ZNF599: variants seen among roughly 807,000 people sequenced by gnomAD.
The protein encoded by ZNF599 is zinc finger protein 599.
A neutral mutation model predicts 11.7 loss-of-function variants in ZNF599; 10 were observed. The ratio of observed to expected loss-of-function variants is 0.86; its 90% CI spans 0.53 to 1.45. The LOEUF (loss-of-function observed/expected upper bound fraction) is 1.45. Ranked by LOEUF, ZNF599 falls within the 40% of genes most tolerant of loss-of-function variation. The pLI is 0.00. For synonymous variants in ZNF599, 232 were observed against 253.2 expected, an observed-to-expected ratio of 0.92 and a Z score of 0.79; for missense variants, 688 against 713.6, an observed-to-expected ratio of 0.96 and a Z score of 0.41.
At chr19:34,793,148 C>T in the ZNF599 span, among the ~76,000 whole-genome samples, 11 of 152,260 alleles carry the variant, frequency 7.2e-5, no homozygotes, top group African/African-American at 2.6e-4. Context: ...TTGAAATGAA[C>T]ACTTAGGACT....
intron 2 of ZNF599, among the ~76,000 whole-genome samples, chr19:34,768,538 G>A (rs2069159950): frequency 6.6e-6 from 1 of 152,186 alleles, no homozygotes. Context: ...AGGTGGGAGA[G>A]CATTTGGTAT....
At chr19:34,777,566 T>A (rs1327156590), upstream of ZNF599, among the ~76,000 whole-genome samples, 1 of 127,202 alleles carries the variant, frequency 7.9e-6, no homozygotes, top group Non-Finnish European at 1.6e-5. Flanking sequence ...ATATTATGTA[T>A]AAATATATAT....
At chr19:34,804,213 T>C in the ZNF599 span, among the ~76,000 whole-genome samples, 1 of 152,208 alleles carries the variant, frequency 6.6e-6, no homozygotes, top group Non-Finnish European at 1.5e-5. Context: ...TAATCCACTA[T>C]CCTGGCGAGT....
chr19:34,765,545 C>A (rs752538080), intron 3 of ZNF599: 1 of 702,544 alleles, frequency 1.4e-6, no homozygotes, highest in South Asian at 1.5e-5. Flanking sequence ...TAGTAGATGG[C>A]TAATACACCT....
the ZNF599 span, among the ~76,000 whole-genome samples, chr19:34,796,471 T>C: frequency 0.95 from 144,032 of 152,010 alleles, 68,638 homozygotes; most frequent in Middle Eastern, 0.99. Flanking sequence ...CCACCATGCC[T>C]GGCTAATTTT....
intron 1 of ZNF599, 96 bp from the exon 2 acceptor site, chr19:34,769,651 A>C: frequency 2.7e-6 from 4 of 1,456,912 alleles, no homozygotes; most frequent in Non-Finnish European, 3.7e-6. Flanking sequence ...AGAGACCCTG[A>C]ACCACTGAGC....
the ZNF599 span, among the ~76,000 whole-genome samples, chr19:34,787,262 AT>A: frequency 6.8e-6 from 1 of 146,672 alleles, no homozygotes; most frequent in Non-Finnish European, 1.5e-5. Context: ...CATCATCATC[AT>A]CATCACAAGA....
upstream of ZNF599, among the ~76,000 whole-genome samples, chr19:34,777,394 AATATATATT>A (rs1293038037): frequency 1.8e-3 from 156 of 88,734 alleles, no homozygotes; most frequent in African/African-American, 7.5e-3. Flanking sequence ...ATTAATATAT[AATATATATT>A]ATATATAATA....
chr19:34,801,328 C>T, the ZNF599 span, among the ~76,000 whole-genome samples: 1 of 152,218 alleles, frequency 6.6e-6, no homozygotes. Flanking sequence ...ATTAATAAGA[C>T]CTTTCTCCAG....
chr19:34,759,982 G>C lies in ZNF599; in HGVS notation c.819C>G (p.His273Gln). The C allele has an allele frequency of 6.2e-7, 1 of 1,614,066 alleles. No individual in the cohort carries two copies. The highest frequency in any genetic ancestry group is 8.5e-7 in the Non-Finnish European group (1 of 1,180,018). ...AFKRRFHLTE[H>Q]QRIHTGDKPY... is the part of the protein sequence containing the mutation. ...GCTTATCTCCGGTGTGAATACGCTG[G>C]TGCTCCGTGAGGTGAAACCTGCGTT... Residue 273 changes from histidine to glutamine, a missense_variant, in exon 4 of 4, where the codon CAC (histidine) becomes CAG (glutamine). By Grantham distance (24) the His-to-Gln change is conservative. Coordinates refer to ENST00000329285, the MANE Select transcript of ZNF599 (RefSeq NM_001007248.3).
At chr19:34,791,189 C>T in the ZNF599 span, among the ~76,000 whole-genome samples, 7 of 152,142 alleles carry the variant, frequency 4.6e-5, no homozygotes, top group Middle Eastern at 6.3e-3. Context: ...ACAGCTATAC[C>T]ACCTCCTGGC....
upstream of ZNF599, among the ~76,000 whole-genome samples, chr19:34,774,351 G>A (rs2069206277): frequency 6.6e-6 from 1 of 152,142 alleles, no homozygotes; most frequent in African/African-American, 2.4e-5. Flanking sequence ...CCCAGCTTAT[G>A]CCCAGCAACT....
At chr19:34,775,074 A>C (rs1331123763), upstream of ZNF599, among the ~76,000 whole-genome samples, 1 of 152,168 alleles carries the variant, frequency 6.6e-6, no homozygotes, top group Non-Finnish European at 1.5e-5. Context: ...CATGATTGGA[A>C]GCTTCCTGAG....
intron 3 of ZNF599, 156 bp downstream of exon 3, chr19:34,767,160 T>TGTGTGACAGAA (rs2069149381): frequency 1.7e-6 from 1 of 602,320 alleles, no homozygotes; most frequent in East Asian, 2.8e-5. Flanking sequence ...AGGCAAAGAG[T>TGTGTGACAGAA]GTGTGACAGA....
In ZNF599 at chr19:34,772,853, G is replaced by A. The variant is rs1233163205; in HGVS notation, c.-12C>T. ...GCCGGCGCCGCCATGGGCCCAGGGGGCTGGGTGAGGCCGTGAGAGTCGGCG... is the reference window on the plus strand; with the variant it reads ...GCCGGCGCCGCCATGGGCCCAGGGGACTGGGTGAGGCCGTGAGAGTCGGCG... On this transcript the variant is annotated 5_prime_UTR_variant, in exon 1 of 4. Coordinates refer to ENST00000329285, the MANE Select transcript of ZNF599 (RefSeq NM_001007248.3). 1 of 1,483,370 alleles carries A rather than the reference G, an allele frequency of 6.7e-7. No individual in the cohort carries two copies. Among genetic ancestry groups the A allele is most frequent in the African/African-American group, 1.5e-5 (1 of 68,608 alleles). The allele number at this position is 1,483,370 out of a possible 1,614,324, so 91.9% of individuals were successfully genotyped here. A position where few individuals can be genotyped will look rare whatever the true frequency, so the allele number is the denominator to read the frequency against.
chr19:34,786,797 G>T, the ZNF599 span, among the ~76,000 whole-genome samples: 2 of 152,126 alleles, frequency 1.3e-5, no homozygotes, highest in African/African-American at 4.8e-5. Context: ...TTGCTAATAG[G>T]AGACTCATTC....
At chr19:34,801,015 C>A in the ZNF599 span, among the ~76,000 whole-genome samples, 1 of 152,116 alleles carries the variant, frequency 6.6e-6, no homozygotes, top group Non-Finnish European at 1.5e-5. Context: ...TTATTTTGAC[C>A]CAATGTGTTT....
chr19:34,803,824 A>G, the ZNF599 span, among the ~76,000 whole-genome samples: 1 of 152,192 alleles, frequency 6.6e-6, no homozygotes, highest in African/African-American at 2.4e-5. Flanking sequence ...TAAGTCCCAA[A>G]TACCAGAGCC....
At chr19:34,779,156 A>G in the ZNF599 span, among the ~76,000 whole-genome samples, 3 of 150,476 alleles carry the variant, frequency 2.0e-5, no homozygotes, top group African/African-American at 4.9e-5. Context: ...GCACAATCCT[A>G]TACTCAAATC....
Sources: allele counts gnomAD v4.1 joint callset (sites outside exome capture counted in the v4.1 genomes callset), GRCh38; gene constraint gnomAD v4.1.1; transcripts MANE v1.5; gene names NCBI Gene and HGNC (gene_info 2026-07-23, HGNC 2026-07-21).